Variants in SLC39A10 observed in about 807,000 individuals in gnomAD.
The protein encoded by SLC39A10 is solute carrier family 39 member 10, also known as zinc transporter ZIP10.
A neutral mutation model predicts 65.1 loss-of-function variants in SLC39A10; 13 were observed. The observed-to-expected ratio is 0.20, with a 90% CI of 0.13 to 0.32. The LOEUF is 0.32. Ranked by LOEUF, SLC39A10 falls within the 10% of genes least tolerant of loss-of-function variation. The probability of loss-of-function intolerance (pLI) is 1.00; values close to 1 mark genes in which losing one functional copy is unlikely to be tolerated. For missense variants in SLC39A10, 831 were observed against 1,018.4 expected (o/e 0.82, Z 2.50); for synonymous variants, 321 against 342.2 (o/e 0.94, Z 0.68).
intron 9 of SLC39A10, among the ~76,000 whole-genome samples, chr2:195,730,689 A>G (rs758853275): frequency 1.3e-5 from 2 of 152,204 alleles, no homozygotes; most frequent in African/African-American, 4.8e-5. Flanking sequence ...TATCTTTATT[A>G]TAGGCCTTTC....
chr2:195,654,815 T>C (rs1374450644), upstream of SLC39A10, among the ~76,000 whole-genome samples: 5 of 152,340 alleles, frequency 3.3e-5, no homozygotes, highest in East Asian at 9.6e-4. Context: ...ATTATTTGAC[T>C]CAGCAGGTGA....
intron 9 of SLC39A10, among the ~76,000 whole-genome samples, chr2:195,729,679 A>G (rs1002758340): frequency 5.9e-5 from 9 of 152,062 alleles, no homozygotes; most frequent in African/African-American, 2.2e-4. Context: ...TATTTCTATT[A>G]GCCTATAAAC....
At chr2:195,651,082 T>TG (rs917767606) in intron 2 of SLC39A10, among the ~76,000 whole-genome samples, 3 of 149,420 alleles carry the variant, frequency 2.0e-5, no homozygotes, top group African/African-American at 7.4e-5. Flanking sequence ...AAAAAAATGT[T>TG]TTTTTTTTTT....
chr2:195,631,849 T>G (rs535579023), intron 2 of SLC39A10, among the ~76,000 whole-genome samples: 1 of 152,304 alleles, frequency 6.6e-6, no homozygotes, highest in East Asian at 1.9e-4. Context: ...AACATAATAT[T>G]TATTGCTGAG....
chr2:195,694,448 G>T (rs1690860559), intron 3 of SLC39A10, among the ~76,000 whole-genome samples: 1 of 147,420 alleles, frequency 6.8e-6, no homozygotes, highest in South Asian at 2.1e-4. Context: ...GTCCCACTGG[G>T]TGCTCCCTTG....
At chr2:195,630,858 A>G (rs1353322473) in intron 2 of SLC39A10, among the ~76,000 whole-genome samples, 1 of 152,174 alleles carries the variant, frequency 6.6e-6, no homozygotes, top group Non-Finnish European at 1.5e-5. Context: ...AACACCAAAC[A>G]TATTTTGGCC....
At chr2:195,615,262 A>T (rs191099895) in intron 2 of SLC39A10, among the ~76,000 whole-genome samples, 1 of 152,268 alleles carries the variant, frequency 6.6e-6, no homozygotes, top group East Asian at 1.9e-4. Flanking sequence ...AGGCTTGGGA[A>T]TATGCATTTT....
At chr2:195,719,249 C>G (rs547068788) in intron 8 of SLC39A10, among the ~76,000 whole-genome samples, 30 of 151,904 alleles carry the variant, frequency 2.0e-4, no homozygotes, top group African/African-American at 7.2e-4. Flanking sequence ...CTTTGATTCG[C>G]TTTCCTGATA....
intron 2 of SLC39A10, among the ~76,000 whole-genome samples, chr2:195,623,455 A>G (rs1415157471): frequency 6.6e-6 from 1 of 152,226 alleles, no homozygotes; most frequent in East Asian, 1.9e-4. Context: ...TTCTTGCACT[A>G]GAAGTGCACA....
At chr2:195,729,876 G>A (rs562637340) in intron 9 of SLC39A10, among the ~76,000 whole-genome samples, 2 of 151,522 alleles carry the variant, frequency 1.3e-5, no homozygotes, top group African/African-American at 4.8e-5. Flanking sequence ...ATAGCTCACT[G>A]CAGACTCGAC....
chr2:195,696,519 CAAATA>C (rs1690967642), intron 3 of SLC39A10, among the ~76,000 whole-genome samples: 3 of 151,948 alleles, frequency 2.0e-5, no homozygotes. Flanking sequence ...AAAAATAACA[CAAATA>C]AAAAGCAATA....
intron 3 of SLC39A10, among the ~76,000 whole-genome samples, chr2:195,689,298 G>A (rs1014372021): frequency 1.3e-5 from 2 of 151,844 alleles, no homozygotes; most frequent in South Asian, 2.1e-4. Context: ...GGTGCATGCC[G>A]GTGGTCCCAC....
At chr2:195,715,272 C>G (rs1218929549) in intron 6 of SLC39A10, among the ~76,000 whole-genome samples, 1 of 151,896 alleles carries the variant, frequency 6.6e-6, no homozygotes, top group African/African-American at 2.4e-5. Flanking sequence ...TCACGCCTGT[C>G]ATCCCGGCAC....
Position 195,667,943 on chromosome 2 carries a change from T to G in SLC39A10, c.-12+10662T>G, listed in dbSNP as rs554971917. ...CAAAAATATGTACGTAATTTTATTT[T>G]GTTCTTATAGTTACCATAAAATAGA... On this transcript the variant is annotated intron_variant, in intron 1 of 9. Coordinates refer to ENST00000359634, the MANE Select transcript of SLC39A10 (RefSeq NM_020342.3). 1.1e-4 allele frequency among the ~76,000 whole-genome samples: 17 copies of G among 152,376 alleles called. No individual in the cohort carries two copies. The East Asian group carries it at 3.3e-3, about 29-fold the overall frequency.
chr2:195,734,952 C>A lies in SLC39A10; in HGVS notation c.2407C>A (p.Leu803Ile). The change falls in exon 10 of 10, where the codon CTT becomes ATT. Residue 803 changes from leucine (L) to isoleucine (I), a missense_variant. Physicochemically the swap from Leu to Ile is conservative, Grantham distance 5 (BLOSUM62 2). Transcript: ENST00000359634. ...CTTTTGTCCTGTGGGGCAATTCATC[C>A]TTCAGAATTTAGGATTGCTCTTTGG... ...HGFCPVGQFI[L>I]QNLGLLFGFA... The A allele has an allele frequency of 6.2e-7, 1 of 1,612,812 alleles. No individual in the cohort carries two copies. The highest frequency in any genetic ancestry group is 1.7e-5 in the Admixed American group (1 of 59,854).
At chr2:195,632,210 T>C (rs2105697730) in intron 2 of SLC39A10, among the ~76,000 whole-genome samples, 1 of 151,486 alleles carries the variant, frequency 6.6e-6, no homozygotes, top group South Asian at 2.1e-4. Flanking sequence ...CAGCCTGTTT[T>C]GTTATTCTTA....
chr2:195,625,348 T>C (rs1439803760), intron 2 of SLC39A10, among the ~76,000 whole-genome samples: 1 of 151,528 alleles, frequency 6.6e-6, no homozygotes, highest in Non-Finnish European at 1.5e-5. Flanking sequence ...CGATCTCGGC[T>C]CACCGCAACC....
intron 4 of SLC39A10, among the ~76,000 whole-genome samples, chr2:195,707,672 T>C (rs1449117479): frequency 6.6e-6 from 1 of 152,094 alleles, no homozygotes; most frequent in Non-Finnish European, 1.5e-5. Flanking sequence ...CTACTAGCCA[T>C]CAAGAATAGC....
At chr2:195,623,984 A>G (rs935018926) in intron 2 of SLC39A10, among the ~76,000 whole-genome samples, 1 of 152,014 alleles carries the variant, frequency 6.6e-6, no homozygotes, top group African/African-American at 2.4e-5. Flanking sequence ...TAACGATTCA[A>G]AAGTTAAAGA....
Sources: allele counts gnomAD v4.1 joint callset (sites outside exome capture counted in the v4.1 genomes callset), GRCh38; gene constraint gnomAD v4.1.1; transcripts MANE v1.5; gene names NCBI Gene and HGNC (gene_info 2026-07-23, HGNC 2026-07-21).